Variants in CHN2 observed in about 807,000 individuals in gnomAD.
CHN2 encodes chimerin 2, also known as beta-chimaerin.
Under a neutral mutation model 56.3 loss-of-function variants are expected in CHN2, and 35 were observed. The observed-to-expected ratio is 0.62, with a 90% CI of 0.47 to 0.82. The LOEUF is 0.82. Among genes scored for constraint, CHN2 ranks in the 40% least tolerant of loss-of-function variants. The probability of loss-of-function intolerance (pLI) is 0.00; values close to 1 mark genes in which losing one functional copy is unlikely to be tolerated. For synonymous variants in CHN2, 210 were observed against 212.8 expected (o/e 0.99, Z 0.12); for missense variants, 491 against 580.5 (o/e 0.85, Z 1.58).
Position 29,187,006 on chromosome 7 carries a change from A to G in CHN2, c.274+40046A>G, listed in dbSNP as rs995260507. ...AAATGAGGATAACAATTCTCACTTC[A>G]GGATTGTTATGGGTATATGACAATG... On this transcript the variant is annotated intron_variant, in intron 2 of 6. Transcript: ENST00000439384. Among the ~76,000 whole-genome samples the G allele has an allele frequency of 4.6e-5, 7 of 152,202 alleles. 1 individual carries two copies. Among genetic ancestry groups the G allele is most frequent in the Admixed American group, 3.9e-4 (6 of 15,284 alleles).
intron 1 of CHN2, among the ~76,000 whole-genome samples, chr7:29,209,875 A>G (rs1335463007): frequency 1.3e-5 from 2 of 152,208 alleles, no homozygotes; most frequent in Non-Finnish European, 2.9e-5. Context: ...GGGAACAGGC[A>G]GAGGGTTTTG....
intron 6 of CHN2, among the ~76,000 whole-genome samples, chr7:29,446,758 G>A (rs547171674): frequency 6.6e-6 from 1 of 152,250 alleles, no homozygotes; most frequent in East Asian, 1.9e-4. Context: ...AAACTAGCGA[G>A]GCTAGGAAAA....
intron 1 of CHN2, among the ~76,000 whole-genome samples, chr7:29,337,238 C>T (rs919985900): frequency 5.3e-5 from 8 of 152,102 alleles, no homozygotes; most frequent in Non-Finnish European, 2.9e-5. Flanking sequence ...GACCGTGCTG[C>T]TGAAAATAGA....
In CHN2 at chr7:29,436,285, G is replaced by A. The variant is rs544164562; in HGVS notation, c.576+35457G>A. On this transcript the variant is annotated intron_variant, in intron 6 of 12. Coordinates refer to ENST00000222792, the MANE Select transcript of CHN2 (RefSeq NM_004067.4). ...ACCACGCTTTGACCAGTAAGACTAGGGAGCATGTCAAGGACTCCAGTACCT... is the reference window on the plus strand; with the variant it reads ...ACCACGCTTTGACCAGTAAGACTAGAGAGCATGTCAAGGACTCCAGTACCT... 5.3e-5 allele frequency among the ~76,000 whole-genome samples: 8 copies of A among 152,194 alleles called. No homozygotes were observed. The East Asian group carries it at 1.4e-3, about 26-fold the overall frequency.
chr7:29,380,230 A>G (rs73305054), intron 3 of CHN2, among the ~76,000 whole-genome samples: 4,250 of 152,266 alleles, frequency 0.028, 192 homozygotes, highest in African/African-American at 0.098. Flanking sequence ...ATCAGTGAAC[A>G]ATGAGTTCTC....
At chr7:29,338,834 C>G (rs965699011) in intron 1 of CHN2, among the ~76,000 whole-genome samples, 2 of 152,314 alleles carry the variant, frequency 1.3e-5, no homozygotes, top group South Asian at 4.1e-4. Flanking sequence ...CCTCTCTCAG[C>G]CTCCCAAAGT....
intron 8 of CHN2, among the ~76,000 whole-genome samples, chr7:29,499,590 A>G (rs1789710528): frequency 6.6e-6 from 1 of 151,864 alleles, no homozygotes; most frequent in South Asian, 2.1e-4. Context: ...AACATATACA[A>G]AAAAACCTGA....
intron 1 of CHN2, chr7:29,146,777 T>A (rs1222143267): frequency 6.5e-7 from 1 of 1,549,238 alleles, no homozygotes; most frequent in South Asian, 1.2e-5. Context: ...ATTTTGATTT[T>A]GTCTCCCAGT....
intron 6 of CHN2, among the ~76,000 whole-genome samples, chr7:29,437,347 C>CT (rs1324124538): frequency 1.2e-5 from 1 of 84,720 alleles, no homozygotes; most frequent in East Asian, 2.2e-4. Context: ...GCCTGTAATC[C>CT]CAGCACTTTG....
chr7:29,207,768 T>G (rs923684840), intron 1 of CHN2, among the ~76,000 whole-genome samples: 2 of 152,174 alleles, frequency 1.3e-5, no homozygotes, highest in East Asian at 3.9e-4. Context: ...TGCTGGCTCT[T>G]TTGTTGTTTC....
intron 3 of CHN2, among the ~76,000 whole-genome samples, chr7:29,372,720 G>T (rs1394385335): frequency 6.6e-6 from 1 of 152,224 alleles, no homozygotes; most frequent in Non-Finnish European, 1.5e-5. Context: ...TAGACTTTTG[G>T]CAGTTGTTAA....
At chr7:29,146,710 A>C in exon 1 of CHN2, 1 of 1,550,628 alleles carries the variant, frequency 6.4e-7, no homozygotes. Flanking sequence ...TGGAATCTTA[A>C]AAATTAATGA....
chr7:29,485,352 A>G (rs745427498), intron 7 of CHN2, among the ~76,000 whole-genome samples: 20 of 152,196 alleles, frequency 1.3e-4, no homozygotes, highest in Non-Finnish European at 2.4e-4. Context: ...AGCACATTAA[A>G]CCATGCTAAG....
intron 2 of CHN2, among the ~76,000 whole-genome samples, chr7:29,182,660 T>C (rs972797661): frequency 2.8e-4 from 42 of 152,292 alleles, no homozygotes; most frequent in African/African-American, 9.9e-4. Flanking sequence ...AAAATACAAA[T>C]TGAGTAAACC....
At chr7:29,307,409 C>T (rs900425843) in intron 1 of CHN2, among the ~76,000 whole-genome samples, 1 of 152,170 alleles carries the variant, frequency 6.6e-6, no homozygotes, top group African/African-American at 2.4e-5. Context: ...TAATGGTATT[C>T]CTACTGTGGT....
At position 29,512,639 on chromosome 7, in the gene CHN2, G is replaced by GC; in HGVS notation, c.1316dup (p.Glu440Ter). On this transcript the variant is annotated frameshift_variant, in exon 13 of 13. Coordinates refer to ENST00000222792, the MANE Select transcript of CHN2 (RefSeq NM_004067.4). LOFTEE classifies it high-confidence loss of function. Reference sequence around the variant, plus strand: ...TCGTGTTTGGGCCCACTCTGATGAGGCCCCCTGAGGACAGCACCCTGACCA... The same window carrying GC: ...TCGTGTTTGGGCCCACTCTGATGAGGCCCCCCTGAGGACAGCACCCTGACCA... 6.2e-7 allele frequency: 1 copy of GC among 1,614,112 alleles called. No individual in the cohort carries two copies. Among genetic ancestry groups the GC allele is most frequent in the Non-Finnish European group, 8.5e-7 (1 of 1,179,998 alleles).
chr7:29,437,194 G>A (rs1449971228), intron 6 of CHN2, among the ~76,000 whole-genome samples: 3 of 151,988 alleles, frequency 2.0e-5, no homozygotes, highest in East Asian at 1.9e-4. Flanking sequence ...CATCTTCATT[G>A]TACACAAATT....
chr7:29,277,403 A>AAGGT (rs1267536837), intron 1 of CHN2, among the ~76,000 whole-genome samples: 1 of 152,196 alleles, frequency 6.6e-6, no homozygotes. Context: ...AGGCAGGACA[A>AAGGT]AGGTAGGCAG....
intron 11 of CHN2, among the ~76,000 whole-genome samples, chr7:29,507,746 ATT>A (rs1230755697): frequency 3.0e-5 from 3 of 99,834 alleles, no homozygotes; most frequent in Admixed American, 1.0e-4. Context: ...AAGAAGAATG[ATT>A]GTCTTGGGCC....
Sources: allele counts gnomAD v4.1 joint callset (sites outside exome capture counted in the v4.1 genomes callset), GRCh38; gene constraint gnomAD v4.1.1; transcripts MANE v1.5; gene names NCBI Gene and HGNC (gene_info 2026-07-23, HGNC 2026-07-21).